The following PIP4K2A variants were observed in gnomAD, a reference collection of about 807,000 sequenced individuals.
The protein encoded by PIP4K2A is phosphatidylinositol-5-phosphate 4-kinase type 2 alpha.
A neutral mutation model predicts 42.9 loss-of-function variants in PIP4K2A; 14 were observed. That is an observed-to-expected ratio of 0.33 (90% confidence interval 0.22 to 0.51). The LOEUF is 0.51. Among genes scored for constraint, PIP4K2A ranks in the 20% least tolerant of loss-of-function variants. The pLI is 0.97. For missense variants in PIP4K2A, 434 were observed against 519.8 expected (o/e 0.83, Z 1.61); for synonymous variants, 192 against 192.2 (o/e 1.00, Z 0.01).
chr10:22,658,335 A>C (rs1482333658), intron 1 of PIP4K2A, among the ~76,000 whole-genome samples: 1 of 152,254 alleles, frequency 6.6e-6, no homozygotes, highest in African/African-American at 2.4e-5. Context: ...TTATTACCGG[A>C]AAGAACTGAA....
At chr10:22,549,068 G>C (rs1010668077) in intron 7 of PIP4K2A, among the ~76,000 whole-genome samples, 8 of 152,084 alleles carry the variant, frequency 5.3e-5, no homozygotes, top group Non-Finnish European at 1.2e-4. Flanking sequence ...CAACAAGAAA[G>C]TAGATACTTA....
chr10:22,705,940 T>TA (rs1358410869), intron 1 of PIP4K2A, among the ~76,000 whole-genome samples: 2 of 151,802 alleles, frequency 1.3e-5, no homozygotes, highest in African/African-American at 4.8e-5. Context: ...TCAAGAAACT[T>TA]ACGATCATGG....
At chr10:22,551,619 T>C (rs915645645) in intron 6 of PIP4K2A, among the ~76,000 whole-genome samples, 11 of 152,210 alleles carry the variant, frequency 7.2e-5, no homozygotes, top group African/African-American at 2.2e-4. Context: ...GCAACCTGCA[T>C]TCAGTACGAG....
chr10:22,649,451 C>T (rs1352658733), intron 1 of PIP4K2A, among the ~76,000 whole-genome samples: 1 of 152,224 alleles, frequency 6.6e-6, no homozygotes, highest in East Asian at 1.9e-4. Flanking sequence ...AGCCAAAACA[C>T]GTGTCAAACG....
chr10:22,604,213 C>T (rs1837856385), intron 3 of PIP4K2A, among the ~76,000 whole-genome samples: 1 of 152,130 alleles, frequency 6.6e-6, no homozygotes, highest in Non-Finnish European at 1.5e-5. Context: ...GGAATGTTTT[C>T]ATTTTTCATT....
At chr10:22,646,693 C>T (rs1419688902) in intron 1 of PIP4K2A, among the ~76,000 whole-genome samples, 1 of 152,182 alleles carries the variant, frequency 6.6e-6, no homozygotes, top group East Asian at 1.9e-4. Context: ...TTTGTCTTCC[C>T]TTTCTGAAGG....
chr10:22,590,578 T>G (rs1158594180), intron 4 of PIP4K2A, among the ~76,000 whole-genome samples: 1 of 152,166 alleles, frequency 6.6e-6, no homozygotes, highest in Non-Finnish European at 1.5e-5. Context: ...GGCTTCAAAA[T>G]CCAGGCAGGG....
chr10:22,685,531 T>TAA (rs11389689), intron 1 of PIP4K2A, among the ~76,000 whole-genome samples: 5 of 151,750 alleles, frequency 3.3e-5, no homozygotes, highest in African/African-American at 4.8e-5. Context: ...CCATTTTCTA[T>TAA]AAAAAACAAA....
chr10:22,607,555 C>T (rs1312071603), intron 3 of PIP4K2A, among the ~76,000 whole-genome samples: 3 of 152,104 alleles, frequency 2.0e-5, no homozygotes, highest in Non-Finnish European at 4.4e-5. Context: ...GTAGCCTCTA[C>T]GAAGATACAA....
In PIP4K2A at chr10:22,601,130, C is replaced by CAAAAAAAAAAAAAAAAA. The variant is rs1188396077; in HGVS notation, c.339+6780_339+6796dup. ...CCTGGGCAACAGAGCGAGACTGTCTCAAAAAAAAAAAAAAAAAAAAAAAAA... is the reference window on the plus strand; with the variant it reads ...CCTGGGCAACAGAGCGAGACTGTCTCAAAAAAAAAAAAAAAAAAAAAAAAAAAAAAAAAAAAAAAAAA... On this transcript the variant is annotated intron_variant, in intron 3 of 9. Coordinates refer to ENST00000376573, the MANE Select transcript of PIP4K2A (RefSeq NM_005028.5). Among the ~76,000 whole-genome samples, 26 of 31,926 alleles carry CAAAAAAAAAAAAAAAAA rather than the reference C, an allele frequency of 8.1e-4. 4 individuals carry two copies. The highest frequency in any genetic ancestry group is 2.4e-3 in the South Asian group (1 of 412). The allele number at this position is 31,926 out of a possible 152,430, so 20.9% of individuals were successfully genotyped here. A position where few individuals can be genotyped will look rare whatever the true frequency, so the allele number is the denominator to read the frequency against.
intron 1 of PIP4K2A, among the ~76,000 whole-genome samples, chr10:22,618,923 C>G (rs1357506365): frequency 6.6e-6 from 1 of 152,162 alleles, no homozygotes; most frequent in African/African-American, 2.4e-5. Flanking sequence ...TGGTAGCAAC[C>G]AGAACATACT....
intron 1 of PIP4K2A, among the ~76,000 whole-genome samples, chr10:22,660,185 C>A (rs1173818323): frequency 6.6e-6 from 1 of 152,124 alleles, no homozygotes; most frequent in Non-Finnish European, 1.5e-5. Flanking sequence ...TAAATGCTTA[C>A]TGAGGACGGA....
At chr10:22,576,844 G>A (rs1254715352) in intron 4 of PIP4K2A, among the ~76,000 whole-genome samples, 1 of 152,152 alleles carries the variant, frequency 6.6e-6, no homozygotes, top group Non-Finnish European at 1.5e-5. Flanking sequence ...GGGAGGCCAA[G>A]GTGGGCGGAT....
At chr10:22,695,188 C>T (rs1441439847) in intron 1 of PIP4K2A, among the ~76,000 whole-genome samples, 2 of 152,190 alleles carry the variant, frequency 1.3e-5, no homozygotes, top group African/African-American at 4.8e-5. Context: ...TAATTTTTCA[C>T]GCTATCAATA....
chr10:22,666,274 G>A (rs1416442350), intron 1 of PIP4K2A, among the ~76,000 whole-genome samples: 2 of 152,122 alleles, frequency 1.3e-5, no homozygotes, highest in Non-Finnish European at 2.9e-5. Context: ...AATGTTGAGA[G>A]CTACAATGCC....
chr10:22,595,005 A>T (rs1837601123), intron 3 of PIP4K2A, among the ~76,000 whole-genome samples: 1 of 152,368 alleles, frequency 6.6e-6, no homozygotes, highest in Non-Finnish European at 1.5e-5. Context: ...TGAAGTTAGG[A>T]ACACTGTGTC....
chr10:22,572,757 G>A (rs1837020465), intron 5 of PIP4K2A, among the ~76,000 whole-genome samples: 1 of 152,102 alleles, frequency 6.6e-6, no homozygotes, highest in Non-Finnish European at 1.5e-5. Flanking sequence ...GAATTTCCAG[G>A]GGCCCCCCTT....
intron 4 of PIP4K2A, among the ~76,000 whole-genome samples, chr10:22,584,356 C>A (rs1284387612): frequency 6.6e-6 from 1 of 151,480 alleles, no homozygotes; most frequent in African/African-American, 2.4e-5. Context: ...TGAAGAGACA[C>A]TTAGGACTGG....
intron 5 of PIP4K2A, among the ~76,000 whole-genome samples, chr10:22,569,494 C>A (rs565894775): frequency 1.4e-3 from 218 of 152,316 alleles, no homozygotes; most frequent in Non-Finnish European, 2.7e-3. Flanking sequence ...GAATATGGAC[C>A]AGAAGTACCT....
Sources: allele counts gnomAD v4.1 joint callset (sites outside exome capture counted in the v4.1 genomes callset), GRCh38; gene constraint gnomAD v4.1.1; transcripts MANE v1.5; gene names NCBI Gene and HGNC (gene_info 2026-07-23, HGNC 2026-07-21).